Variants in CCDC148 observed in about 807,000 individuals in gnomAD.
CCDC148 encodes the protein coiled-coil domain-containing protein 148.
CCDC148 carries 89 observed loss-of-function variants against 85.7 expected under a neutral mutation model. The observed-to-expected ratio is 1.04, with a 90% CI of 0.87 to 1.24. CCDC148 has a LOEUF of 1.24. Ranked by LOEUF, CCDC148 falls within the 50% of genes most tolerant of loss-of-function variation. The pLI, the probability that CCDC148 is intolerant of heterozygous loss-of-function variation, is 0.00. For synonymous variants in CCDC148, 230 were observed against 213.9 expected (o/e 1.08, Z -0.66); for missense variants, 692 against 671.7 (o/e 1.03, Z -0.33).
chr2:158,449,497 G>C (rs1348250330), intron 1 of CCDC148, among the ~76,000 whole-genome samples: 1 of 151,874 alleles, frequency 6.6e-6, no homozygotes, highest in Admixed American at 6.6e-5. Context: ...GCCCAGGCTG[G>C]AGTGCAGTGG....
intron 9 of CCDC148, among the ~76,000 whole-genome samples, chr2:158,288,371 A>C (rs969732830): frequency 2.6e-5 from 4 of 152,192 alleles, no homozygotes; most frequent in Non-Finnish European, 5.9e-5. Context: ...AATTTTCTGA[A>C]CTTTTATGCT....
intron 2 of CCDC148, among the ~76,000 whole-genome samples, chr2:158,355,316 T>G (rs368953192): frequency 3.3e-5 from 5 of 151,758 alleles, no homozygotes; most frequent in Non-Finnish European, 5.9e-5. Context: ...ACATGATTGT[T>G]TATCTAGAAA....
At chr2:158,270,762 T>A (rs919484576) in intron 9 of CCDC148, among the ~76,000 whole-genome samples, 9 of 152,196 alleles carry the variant, frequency 5.9e-5, no homozygotes, top group African/African-American at 2.2e-4. Context: ...GCATATTACA[T>A]ATACATGTTG....
At chr2:158,253,034 A>G (rs1688859381) in intron 9 of CCDC148, among the ~76,000 whole-genome samples, 1 of 151,598 alleles carries the variant, frequency 6.6e-6, no homozygotes, top group Non-Finnish European at 1.5e-5. Context: ...GATTTTTTTT[A>G]TTACTATGTA....
intron 7 of CCDC148, among the ~76,000 whole-genome samples, chr2:158,319,976 T>C (rs1316779090): frequency 6.6e-6 from 1 of 152,238 alleles, no homozygotes; most frequent in Non-Finnish European, 1.5e-5. Context: ...TAAATCCTTA[T>C]ATTGAGCCAA....
At chr2:158,439,171 G>A (rs539248153) in intron 1 of CCDC148, among the ~76,000 whole-genome samples, 1 of 152,166 alleles carries the variant, frequency 6.6e-6, no homozygotes, top group African/African-American at 2.4e-5. Context: ...AAAGACACAT[G>A]CACGTGTATG....
At chr2:158,218,083 C>T (rs1443293747) in intron 11 of CCDC148, among the ~76,000 whole-genome samples, 5 of 152,252 alleles carry the variant, frequency 3.3e-5, no homozygotes, top group Admixed American at 2.0e-4. Context: ...AAAAATTTTT[C>T]TGAGAATTAT....
intron 2 of CCDC148, among the ~76,000 whole-genome samples, chr2:158,353,907 C>T (rs1294225405): frequency 6.6e-6 from 1 of 152,162 alleles, no homozygotes; most frequent in African/African-American, 2.4e-5. Flanking sequence ...CAAACTGGAA[C>T]TCAGGATTAA....
chr2:158,300,925 G>GTAACCTTGAACTCCTGTAACCTTGAA (rs1317978971), intron 9 of CCDC148, among the ~76,000 whole-genome samples: 1 of 152,168 alleles, frequency 6.6e-6, no homozygotes, highest in Non-Finnish European at 1.5e-5. Flanking sequence ...TGCAATCATA[G>GTAACCTTGAACTCCTGTAACCTTGAA]CTCACTGTAA....
chr2:158,172,193 A>G lies in CCDC148; in HGVS notation c.1696T>C (p.Tyr566His). 1 of 1,610,358 alleles carries G rather than the reference A, an allele frequency of 6.2e-7. No individual in the cohort carries two copies. Residue 566 changes from tyrosine to histidine, a missense_variant, in exon 14 of 14, where the codon TAT (tyrosine) becomes CAT (histidine). Physicochemically the swap from Tyr to His is moderately conservative, Grantham distance 83. Transcript: ENST00000283233. ...LREAGLHRTL[Y>H]AKEILPKISP... ...ATTTTTGGTAATATCTCTTTAGCAT[A>G]AAGTGTTCTATGAAGTCCAGCTTCT...
chr2:158,341,924 C>A (rs1682720350), intron 3 of CCDC148, among the ~76,000 whole-genome samples: 1 of 127,894 alleles, frequency 7.8e-6, no homozygotes. Flanking sequence ...TTTTTTTTTA[C>A]TAACACTAAC....
chr2:158,179,042 A>G, intron 11 of CCDC148, 46 bp from the exon 12 acceptor site: 1 of 1,420,902 alleles, frequency 7.0e-7, no homozygotes, highest in East Asian at 2.3e-5. Flanking sequence ...TCATAATAAT[A>G]TTGGAGATTG....
At chr2:158,243,716 T>C (rs533950957) in intron 10 of CCDC148, among the ~76,000 whole-genome samples, 1 of 152,286 alleles carries the variant, frequency 6.6e-6, no homozygotes, top group East Asian at 1.9e-4. Context: ...CAGTCTGTTC[T>C]TCATGCCATA....
At chr2:158,317,770 T>G (rs1692346757) in intron 7 of CCDC148, among the ~76,000 whole-genome samples, 1 of 152,186 alleles carries the variant, frequency 6.6e-6, no homozygotes, top group South Asian at 2.1e-4. Flanking sequence ...TTTATGAAAC[T>G]AAACATTGTG....
chr2:158,356,547 G>C (rs528712860), intron 2 of CCDC148, among the ~76,000 whole-genome samples: 165 of 152,240 alleles, frequency 1.1e-3, no homozygotes, highest in African/African-American at 3.9e-3. Context: ...TCTCACAACA[G>C]TTAGAATGGT....
intron 1 of CCDC148, among the ~76,000 whole-genome samples, chr2:158,429,188 T>A (rs1687216756): frequency 6.6e-6 from 1 of 151,996 alleles, no homozygotes; most frequent in South Asian, 2.1e-4. Flanking sequence ...CTAATGTACA[T>A]GACGAGTTAA....
At chr2:158,311,369 G>C (rs1198584405) in intron 8 of CCDC148, among the ~76,000 whole-genome samples, 1 of 152,242 alleles carries the variant, frequency 6.6e-6, no homozygotes, top group Non-Finnish European at 1.5e-5. Context: ...CACTCGGCAG[G>C]CTGAGGCAGG....
chr2:158,408,787 GTACCAA>G (rs1307707182), intron 1 of CCDC148, among the ~76,000 whole-genome samples: 4 of 151,828 alleles, frequency 2.6e-5, no homozygotes, highest in Non-Finnish European at 5.9e-5. Context: ...CATAATGGCT[GTACCAA>G]TTTACATCCC....
At chr2:158,224,756 G>T (rs900750637) in intron 10 of CCDC148, among the ~76,000 whole-genome samples, 1 of 152,202 alleles carries the variant, frequency 6.6e-6, no homozygotes, top group Non-Finnish European at 1.5e-5. Flanking sequence ...CAAATGCTGA[G>T]AGATTTTGTC....
Sources: gnomAD v4.1 joint callset for allele counts (sites outside exome capture counted in the v4.1 genomes callset) on GRCh38, gnomAD v4.1.1 for gene constraint, MANE v1.5 for transcripts, NCBI Gene and HGNC (gene_info 2026-07-23, HGNC 2026-07-21) for gene names.